SPNS3: variants seen among roughly 807,000 people sequenced by gnomAD.
SPNS3 encodes SPNS lysolipid transporter 3, sphingosine-1-phosphate (putative).
A neutral mutation model predicts 54.4 loss-of-function variants in SPNS3; 51 were observed. That is an observed-to-expected ratio of 0.94 (90% confidence interval 0.75 to 1.18). The LOEUF is 1.18. Among genes scored for constraint, SPNS3 ranks in the 50% most tolerant of loss-of-function variants. The probability of loss-of-function intolerance (pLI) is 0.00; values close to 1 mark genes in which losing one functional copy is unlikely to be tolerated. For missense variants in SPNS3, 669 were observed against 677.4 expected (o/e 0.99, Z 0.14); for synonymous variants, 309 against 294.7 (o/e 1.05, Z -0.50).
At chr17:4,480,896 T>C (rs1972133140) in intron 9 of SPNS3, among the ~76,000 whole-genome samples, 2 of 152,194 alleles carry the variant, frequency 1.3e-5, no homozygotes. Flanking sequence ...TGGCCAAAGA[T>C]GCCTTTTGGC....
At chr17:4,443,084 T>G (rs1474351364) in intron 2 of SPNS3, among the ~76,000 whole-genome samples, 2 of 152,246 alleles carry the variant, frequency 1.3e-5, no homozygotes, top group South Asian at 2.1e-4. Context: ...TTTGTTTTTT[T>G]TTTTGAGAGA....
chr17:4,436,640 A>G (rs1425869528), intron 1 of SPNS3, among the ~76,000 whole-genome samples: 2 of 152,172 alleles, frequency 1.3e-5, no homozygotes, highest in Admixed American at 1.3e-4. Context: ...GCAAAACAAA[A>G]CACATGAAAC....
At chr17:4,458,562 TTCCC>T (rs1242461752) in intron 8 of SPNS3, among the ~76,000 whole-genome samples, 2 of 103,478 alleles carry the variant, frequency 1.9e-5, no homozygotes, top group Non-Finnish European at 4.7e-5. Flanking sequence ...CCTTTCTTCC[TTCCC>T]TCCTTTCTTT....
Position 4,453,063 on chromosome 17 carries a change from T to G in SPNS3, c.971T>G (p.Ile324Ser). 1 of 1,614,040 alleles carries G rather than the reference T, an allele frequency of 6.2e-7. No homozygotes were observed. Among genetic ancestry groups the G allele is most frequent in the South Asian group, 1.1e-5 (1 of 91,080 alleles). Residue 324 changes from isoleucine to serine, a missense_variant, in exon 8 of 12, where the codon ATC (isoleucine) becomes AGC (serine). Physicochemically the swap from Ile to Ser is moderately radical, Grantham distance 142. Coordinates refer to ENST00000355530, the MANE Select transcript of SPNS3 (RefSeq NM_182538.5). ...ATCATGACCGGCGTCATTGGGGTCATCTTGGGGGCAGAAGCTGCGAGGAGG... is the reference window on the plus strand; with the variant it reads ...ATCATGACCGGCGTCATTGGGGTCAGCTTGGGGGCAGAAGCTGCGAGGAGG... ...LTIMTGVIGV[I>S]LGAEAARRYK...
intron 5 of SPNS3, among the ~76,000 whole-genome samples, chr17:4,447,311 G>A (rs931712222): frequency 2.6e-5 from 4 of 152,358 alleles, no homozygotes; most frequent in Admixed American, 2.0e-4. Context: ...GTTCCAAGCC[G>A]CAGGGTCAGG....
chr17:4,452,003 G>A (rs1401652174), intron 7 of SPNS3, among the ~76,000 whole-genome samples: 3 of 152,064 alleles, frequency 2.0e-5, no homozygotes, highest in Admixed American at 1.3e-4. Flanking sequence ...TTAAAAGGGG[G>A]CTGGAGGTTG....
chr17:4,441,171 C>CT (rs1471333729), intron 2 of SPNS3, among the ~76,000 whole-genome samples: 1 of 152,192 alleles, frequency 6.6e-6, no homozygotes, highest in Non-Finnish European at 1.5e-5. Flanking sequence ...GGGATAAGAA[C>CT]ATTTTAATGT....
chr17:4,444,938 G>C, intron 2 of SPNS3, 94 bp from the exon 3 acceptor site: 2 of 1,439,800 alleles, frequency 1.4e-6, no homozygotes, highest in Non-Finnish European at 1.9e-6. Context: ...CCAGCTTGTG[G>C]CATCTGAGTC....
At position 4,458,543 on chromosome 17, in the gene SPNS3, C is replaced by CCTTTCCTTCCTTT. The variant is rs1289776099; in HGVS notation, c.1113+5342_1113+5354dup. Reference sequence around the variant, plus strand: ...TCCCACCCGCCTTCCTTCCTTCCTTCCTTTCCTTCCTTTCTTCCTTCCCTC... The same window carrying CCTTTCCTTCCTTT: ...TCCCACCCGCCTTCCTTCCTTCCTTCCTTTCCTTCCTTTCTTTCCTTCCTTTCTTCCTTCCCTC... On this transcript the variant is annotated intron_variant, in intron 8 of 11. Coordinates refer to ENST00000355530, the MANE Select transcript of SPNS3 (RefSeq NM_182538.5). 5.4e-5 allele frequency among the ~76,000 whole-genome samples: 6 copies of CCTTTCCTTCCTTT among 111,062 alleles called. 1 individual carries two copies. Among genetic ancestry groups the CCTTTCCTTCCTTT allele is most frequent in the Non-Finnish European group, 1.1e-4 (5 of 47,378 alleles). 72.9% of individuals were successfully genotyped at this position (111,062 alleles called of 152,430 possible).
At chr17:4,485,192 T>C (rs1972278239) in intron 9 of SPNS3, 1 of 152,184 alleles carries the variant, frequency 6.6e-6, no homozygotes, top group African/African-American at 2.4e-5. Context: ...AGCGTTATTT[T>C]GGTCTGATGT....
At chr17:4,453,752 A>G (rs1027144450) in intron 8 of SPNS3, among the ~76,000 whole-genome samples, 3 of 152,216 alleles carry the variant, frequency 2.0e-5, no homozygotes, top group African/African-American at 7.2e-5. Context: ...AATTTGAGAA[A>G]ATAGGACTCA....
At chr17:4,456,342 G>A (rs1040347413) in intron 8 of SPNS3, among the ~76,000 whole-genome samples, 3 of 152,134 alleles carry the variant, frequency 2.0e-5, no homozygotes, top group Non-Finnish European at 4.4e-5. Flanking sequence ...TTCTCTCGCC[G>A]AGTCCTGAAG....
At chr17:4,443,593 C>G (rs1391251422) in intron 2 of SPNS3, among the ~76,000 whole-genome samples, 6 of 152,128 alleles carry the variant, frequency 3.9e-5, no homozygotes, top group Non-Finnish European at 8.8e-5. Flanking sequence ...ACTTAATTCT[C>G]TCAGTAACCA....
At chr17:4,458,629 C>CTTTCTTTCTTTCT (rs1555530853) in intron 8 of SPNS3, among the ~76,000 whole-genome samples, 1 of 129,018 alleles carries the variant, frequency 7.8e-6, no homozygotes, top group Non-Finnish European at 1.6e-5. Context: ...TTCTTTCTTT[C>CTTTCTTTCTTTCT]TTTCTTTCTT....
chr17:4,459,474 G>A (rs951595830), intron 8 of SPNS3, among the ~76,000 whole-genome samples: 1 of 152,100 alleles, frequency 6.6e-6, no homozygotes, highest in South Asian at 2.1e-4. Flanking sequence ...CACTTTGGGA[G>A]GCCGAGGCAG....
chr17:4,479,822 C>T (rs1432212383), intron 9 of SPNS3, among the ~76,000 whole-genome samples: 5 of 152,146 alleles, frequency 3.3e-5, no homozygotes, highest in Non-Finnish European at 5.9e-5. Context: ...CCTCAGTATC[C>T]GGATGTGGAA....
At position 4,439,743 on chromosome 17, in the gene SPNS3, C is replaced by A; in HGVS notation, c.265+20C>A. 6.2e-7 allele frequency: 1 copy of A among 1,605,004 alleles called. No homozygotes were observed. On this transcript the variant is annotated intron_variant, in intron 2 of 11. Transcript: ENST00000355530. The stretch of plus-strand genomic sequence containing the variant: ...AGACTGGTAAGGAGGAGCCCTGGCT[C>A]TGGAGCCGGGGCCCTGGGTTCATGC...
Position 4,487,848 on chromosome 17 carries a change from G to A in SPNS3, c.1493G>A (p.Arg498Lys). The change falls in exon 12 of 12, where the codon AGA becomes AAA. Residue 498 changes from arginine to lysine, a missense_variant. By Grantham distance (26) the Arg-to-Lys change is conservative (BLOSUM62 2). Coordinates refer to ENST00000355530, the MANE Select transcript of SPNS3 (RefSeq NM_182538.5). ...GATGTGGACAGCAACGACCTGGAGAGACAAGGCCTACTTTCGGGCGCTGGC... is the reference window on the plus strand; with the variant it reads ...GATGTGGACAGCAACGACCTGGAGAAACAAGGCCTACTTTCGGGCGCTGGC... ...SNDVDSNDLE[R>K]QGLLSGAGAS... 6.2e-7 allele frequency: 1 copy of A among 1,614,154 alleles called. No individual in the cohort carries two copies. Among genetic ancestry groups the A allele is most frequent in the Non-Finnish European group, 8.5e-7 (1 of 1,179,944 alleles).
intron 8 of SPNS3, among the ~76,000 whole-genome samples, chr17:4,453,584 C>T (rs1054867455): frequency 6.6e-6 from 1 of 151,600 alleles, no homozygotes; most frequent in Non-Finnish European, 1.5e-5. Flanking sequence ...CGCCACTGCA[C>T]TCCAGCCTGG....
Sources: gnomAD v4.1 joint callset for allele counts (sites outside exome capture counted in the v4.1 genomes callset) on GRCh38, gnomAD v4.1.1 for gene constraint, MANE v1.5 for transcripts, NCBI Gene and HGNC (gene_info 2026-07-23, HGNC 2026-07-21) for gene names.